Variants in SNTG1 observed in about 807,000 individuals in gnomAD.
SNTG1 encodes the protein syntrophin gamma 1, also known as gamma-1-syntrophin.
In SNTG1, 39 loss-of-function variants were observed where a neutral mutation model predicts 74.7. That is an observed-to-expected ratio of 0.52 (90% CI 0.40 to 0.68). The LOEUF is 0.68. Ranked by LOEUF, SNTG1 falls within the 30% of genes least tolerant of loss-of-function variation. SNTG1 has a pLI of 0.00. For missense variants in SNTG1, 685 were observed against 609.5 expected, an observed-to-expected ratio of 1.12 and a Z score of -1.30; for synonymous variants, 254 against 217.1, an observed-to-expected ratio of 1.17 and a Z score of -1.49.
At chr8:50,740,215 CTG>C (rs2095539676) in intron 17 of SNTG1, among the ~76,000 whole-genome samples, 2 of 151,884 alleles carry the variant, frequency 1.3e-5, no homozygotes, top group East Asian at 1.9e-4. Context: ...TTTTTGCAAA[CTG>C]TGCATCTGAC....
intron 2 of SNTG1, among the ~76,000 whole-genome samples, chr8:50,214,180 T>C (rs919039061): frequency 2.1e-5 from 3 of 145,100 alleles, no homozygotes; most frequent in African/African-American, 5.1e-5. Context: ...ACACCGCATA[T>C]TCTCACTCAT....
intron 1 of SNTG1, among the ~76,000 whole-genome samples, chr8:49,963,878 G>T: frequency 6.6e-6 from 1 of 152,252 alleles, no homozygotes; most frequent in Non-Finnish European, 1.5e-5. Context: ...AATTTAGAAA[G>T]ACTTTTTCTT....
intron 8 of SNTG1, among the ~76,000 whole-genome samples, chr8:50,457,336 G>C (rs1225585246): frequency 6.6e-6 from 1 of 152,138 alleles, no homozygotes; most frequent in African/African-American, 2.4e-5. Flanking sequence ...ATCCACACTG[G>C]CTCAGCGATG....
At chr8:50,763,517 T>C (rs2095604836) in intron 18 of SNTG1, among the ~76,000 whole-genome samples, 1 of 151,708 alleles carries the variant, frequency 6.6e-6, no homozygotes, top group East Asian at 2.0e-4. Context: ...CTGGCCTCTC[T>C]TTTATTTTAT....
At chr8:50,084,741 A>G (rs1330406153) in intron 1 of SNTG1, among the ~76,000 whole-genome samples, 1 of 152,188 alleles carries the variant, frequency 6.6e-6, no homozygotes, top group Non-Finnish European at 1.5e-5. Flanking sequence ...GGTCTTTAAG[A>G]TGTGATTAGG....
chr8:50,372,911 C>T (rs1043982736), intron 2 of SNTG1, among the ~76,000 whole-genome samples: 18 of 152,168 alleles, frequency 1.2e-4, no homozygotes, highest in Admixed American at 1.1e-3. Context: ...TTCCAAGAGA[C>T]AGTTGGTAAA....
intron 9 of SNTG1, among the ~76,000 whole-genome samples, chr8:50,509,348 G>T (rs150946185): frequency 1.3e-5 from 2 of 152,222 alleles, no homozygotes; most frequent in South Asian, 4.1e-4. Flanking sequence ...GTCAGGTAGC[G>T]TGATGCCTCC....
chr8:50,765,134 T>C (rs1488768781), intron 18 of SNTG1, among the ~76,000 whole-genome samples: 1 of 151,984 alleles, frequency 6.6e-6, no homozygotes, highest in Non-Finnish European at 1.5e-5. Context: ...GGTCAAAAGG[T>C]ACAATGTTTT....
chr8:50,656,925 G>T lies in SNTG1; in HGVS notation c.866G>T (p.Trp289Leu). 1.2e-6 allele frequency: 2 copies of T among 1,604,054 alleles called. No individual in the cohort carries two copies. Among genetic ancestry groups the T allele is most frequent in the Non-Finnish European group, 1.7e-6 (2 of 1,174,700 alleles). Residue 289 changes from tryptophan to leucine, a missense_variant, in exon 14 of 19, where the codon TGG (tryptophan) becomes TTG (leucine). Trp to Leu is a moderately conservative substitution (Grantham distance 61). Coordinates refer to ENST00000642720, the MANE Select transcript of SNTG1 (RefSeq NM_018967.5). Reference protein sequence around the residue: ...PVNQQIVYMGWCEAREQDPLQ... With the variant: ...PVNQQIVYMGLCEAREQDPLQ... ...TTCTTGCAGATTGTCTACATGGGCT[G>T]GTGTGAAGCCCGGGAGCAAGACCCC...
chr8:50,778,815 T>C (rs1333612172), intron 18 of SNTG1, among the ~76,000 whole-genome samples: 2 of 151,626 alleles, frequency 1.3e-5, no homozygotes, highest in Admixed American at 6.6e-5. Flanking sequence ...TAGGTTTTCT[T>C]CTAGGGTTTT....
At chr8:49,941,531 T>TA (rs1563374814) in intron 1 of SNTG1, among the ~76,000 whole-genome samples, 5 of 146,978 alleles carry the variant, frequency 3.4e-5, no homozygotes, top group Non-Finnish European at 7.5e-5. Flanking sequence ...ACATTAACTT[T>TA]TATATATATA....
chr8:50,482,616 A>G (rs1398023960), intron 8 of SNTG1, among the ~76,000 whole-genome samples: 1 of 152,176 alleles, frequency 6.6e-6, no homozygotes, highest in Non-Finnish European at 1.5e-5. Context: ...ATCAGCAATC[A>G]TTTACTTCAA....
At chr8:50,675,777 T>C (rs1234770128) in intron 15 of SNTG1, among the ~76,000 whole-genome samples, 2 of 152,092 alleles carry the variant, frequency 1.3e-5, no homozygotes, top group Non-Finnish European at 2.9e-5. Flanking sequence ...TTTTGGTGTG[T>C]TTTTGCAGTG....
At chr8:50,071,421 A>AAT (rs1218253974) in intron 1 of SNTG1, among the ~76,000 whole-genome samples, 6 of 152,128 alleles carry the variant, frequency 3.9e-5, no homozygotes, top group Non-Finnish European at 5.9e-5. Context: ...AACAAGATTA[A>AAT]ATATATATAT....
intron 17 of SNTG1, among the ~76,000 whole-genome samples, chr8:50,728,933 A>G (rs1031015134): frequency 2.0e-5 from 3 of 152,220 alleles, no homozygotes; most frequent in Non-Finnish European, 2.9e-5. Context: ...AGTTCTGTGC[A>G]GTGGGGAGCA....
chr8:50,783,227 C>T (rs1213872777), intron 18 of SNTG1, among the ~76,000 whole-genome samples: 1 of 152,204 alleles, frequency 6.6e-6, no homozygotes, highest in Non-Finnish European at 1.5e-5. Context: ...CTCTTCAAAG[C>T]TGTCAGACAG....
At chr8:50,682,190 G>A (rs1563736648) in intron 15 of SNTG1, among the ~76,000 whole-genome samples, 1 of 152,136 alleles carries the variant, frequency 6.6e-6, no homozygotes, top group African/African-American at 2.4e-5. Flanking sequence ...GGACAGGGAG[G>A]GTAAGGGGTT....
intron 4 of SNTG1, among the ~76,000 whole-genome samples, chr8:50,432,036 CTCATT>C (rs1328093131): frequency 3.3e-5 from 5 of 152,046 alleles, no homozygotes; most frequent in Non-Finnish European, 7.4e-5. Context: ...TTAATGTATT[CTCATT>C]TATCAACATT....
Position 50,358,590 on chromosome 8 carries a change from C to A in SNTG1, c.-27-35622C>A, listed in dbSNP as rs2091880166. On this transcript the variant is annotated intron_variant, in intron 2 of 18. Coordinates refer to ENST00000642720, the MANE Select transcript of SNTG1 (RefSeq NM_018967.5). ...AATTTTGACTCAATAACACTATGCA[C>A]AACTTTCATAACAATTTCATTTCAA... is the stretch of plus-strand genomic sequence containing the variant. Among the ~76,000 whole-genome samples the A allele has an allele frequency of 1.3e-5, 2 of 152,334 alleles. 1 individual carries two copies.
Sources: gnomAD v4.1 joint callset for allele counts (sites outside exome capture counted in the v4.1 genomes callset) on GRCh38, gnomAD v4.1.1 for gene constraint, MANE v1.5 for transcripts, NCBI Gene and HGNC (gene_info 2026-07-23, HGNC 2026-07-21) for gene names.